The following RABGAP1L variants were observed in gnomAD, a reference collection of about 807,000 sequenced individuals.
The protein encoded by RABGAP1L is RAB GTPase activating protein 1 like.
In RABGAP1L, 63 loss-of-function variants were observed where a neutral mutation model predicts 137.7. The observed-to-expected ratio is 0.46, with a 90% confidence interval of 0.37 to 0.56. The LOEUF is 0.56. Ranked by LOEUF, RABGAP1L falls within the 20% of genes least tolerant of loss-of-function variation. The pLI is 0.00. For synonymous variants in RABGAP1L, 431 were observed against 433.7 expected (o/e 0.99, Z 0.08); for missense variants, 1,095 against 1,244.0 (o/e 0.88, Z 1.80).
chr1:174,803,038 T>G (rs992355778), intron 18 of RABGAP1L, among the ~76,000 whole-genome samples: 6 of 152,236 alleles, frequency 3.9e-5, no homozygotes, highest in African/African-American at 1.4e-4. Flanking sequence ...GTACTTTATT[T>G]TACTTTTAAG....
At chr1:174,951,107 C>T (rs1450613471) in intron 19 of RABGAP1L, among the ~76,000 whole-genome samples, 4 of 152,226 alleles carry the variant, frequency 2.6e-5, no homozygotes, top group Non-Finnish European at 5.9e-5. Flanking sequence ...GCTTCTCCCT[C>T]TCCAACCCTC....
Position 174,190,227 on chromosome 1 carries a change from C to T in RABGAP1L, c.-33-28898C>T, listed in dbSNP as rs527822202. Among the ~76,000 whole-genome samples, 35 of 146,296 alleles carry T rather than the reference C, an allele frequency of 2.4e-4. No individual in the cohort carries two copies. The South Asian group carries it at 6.4e-3, about 27-fold the overall frequency. Reference sequence around the variant, plus strand: ...CTGAGCCAGGAGAATCACTTGAACGCGGGAGGCAGAGGTTGCGGTGAGCCA... The same window carrying T: ...CTGAGCCAGGAGAATCACTTGAACGTGGGAGGCAGAGGTTGCGGTGAGCCA... On this transcript the variant is annotated intron_variant, in intron 1 of 25. Coordinates refer to ENST00000681986, the MANE Select transcript of RABGAP1L (RefSeq NM_001366446.1).
chr1:174,807,921 A>AC (rs1689467740), intron 18 of RABGAP1L, among the ~76,000 whole-genome samples: 1 of 149,166 alleles, frequency 6.7e-6, no homozygotes, highest in Non-Finnish European at 1.5e-5. Flanking sequence ...ACGTAGCGAG[A>AC]CCCCCATCTC....
intron 13 of RABGAP1L, among the ~76,000 whole-genome samples, chr1:174,511,351 T>C (rs1323391695): frequency 6.6e-6 from 1 of 152,202 alleles, no homozygotes; most frequent in Non-Finnish European, 1.5e-5. Flanking sequence ...TTTCTTTGGT[T>C]ATAAAAGATT....
intron 18 of RABGAP1L, among the ~76,000 whole-genome samples, chr1:174,810,758 T>G (rs1256824731): frequency 6.6e-6 from 1 of 152,126 alleles, no homozygotes; most frequent in East Asian, 1.9e-4. Context: ...TTTATTGTCT[T>G]TCTTATTATA....
intron 19 of RABGAP1L, chr1:174,896,991 C>G (rs1657312539): frequency 6.6e-6 from 1 of 152,128 alleles, no homozygotes; most frequent in Non-Finnish European, 1.5e-5. Context: ...TCATTGGTAG[C>G]TTGATGGGGA....
chr1:174,904,150 C>T (rs185204305), intron 19 of RABGAP1L, among the ~76,000 whole-genome samples: 1 of 152,042 alleles, frequency 6.6e-6, no homozygotes, highest in Non-Finnish European at 1.5e-5. Context: ...CTCTCTCCCC[C>T]ATTCTGCCTG....
At chr1:174,748,344 A>G (rs1684050472) in intron 17 of RABGAP1L, among the ~76,000 whole-genome samples, 5 of 152,376 alleles carry the variant, frequency 3.3e-5, no homozygotes, top group Admixed American at 2.6e-4. Context: ...TATGCACATT[A>G]TACCAGCACT....
At chr1:174,737,581 A>G (rs140769617) in intron 17 of RABGAP1L, among the ~76,000 whole-genome samples, 153 of 152,148 alleles carry the variant, frequency 1.0e-3, no homozygotes, top group African/African-American at 3.5e-3. Flanking sequence ...CTGTTACCCA[A>G]TTCCAAAGCT....
intron 17 of RABGAP1L, among the ~76,000 whole-genome samples, chr1:174,751,025 G>A (rs1684298566): frequency 6.6e-6 from 1 of 152,030 alleles, no homozygotes; most frequent in Non-Finnish European, 1.5e-5. Flanking sequence ...GTAAATTGTG[G>A]TCAAAACCAG....
At position 174,230,389 on chromosome 1, in the gene RABGAP1L, A is replaced by C. The variant is rs372267342; in HGVS notation, c.332-756A>C. On this transcript the variant is annotated intron_variant, in intron 3 of 25. Transcript: ENST00000681986. ...TTGTGCACTTGTACCCTAAAACTTA[A>C]AGTATAGTAAAAAAAAGAATAAAAA... Among the ~76,000 whole-genome samples, 7 of 152,240 alleles carry C rather than the reference A, an allele frequency of 4.6e-5. No individual in the cohort carries two copies. In the East Asian group the frequency reaches 9.6e-4, roughly 21 times the overall value.
chr1:174,458,571 C>G (rs968014269), intron 13 of RABGAP1L, among the ~76,000 whole-genome samples: 1 of 151,984 alleles, frequency 6.6e-6, no homozygotes, highest in African/African-American at 2.4e-5. Flanking sequence ...AGCTATATAC[C>G]TGTCTGTAAA....
intron 11 of RABGAP1L, among the ~76,000 whole-genome samples, chr1:174,355,281 C>A (rs1683530187): frequency 6.6e-6 from 1 of 151,798 alleles, no homozygotes; most frequent in African/African-American, 2.4e-5. Context: ...TACTATGCAG[C>A]CATAAAAAAT....
chr1:174,273,272 T>A (rs937225580), intron 8 of RABGAP1L, among the ~76,000 whole-genome samples: 1 of 152,074 alleles, frequency 6.6e-6, no homozygotes, highest in Non-Finnish European at 1.5e-5. Flanking sequence ...ATATCAATAC[T>A]GATTTTATAG....
rs1173137609 is a variant in RABGAP1L at position 174,448,997 on chromosome 1, C to T, written c.1710+54852C>T. ...AGAAAGCTCCCGGGTCTTGGACAAT[C>T]CAACTCTGTCCTTCTTAACAACCTG... On this transcript the variant is annotated intron_variant, in intron 13 of 25. Transcript: ENST00000681986. The surrounding 1 kb of genome is among the most constrained non-coding windows in gnomAD (Gnocchi z 4.2). The T allele has an allele frequency of 2.1e-5, 34 of 1,613,004 alleles. No homozygotes were observed. Among genetic ancestry groups the T allele is most frequent in the Non-Finnish European group, 2.9e-5 (34 of 1,179,120 alleles).
intron 19 of RABGAP1L, among the ~76,000 whole-genome samples, chr1:174,948,344 G>A (rs1240098882): frequency 3.3e-5 from 5 of 151,590 alleles, no homozygotes; most frequent in African/African-American, 1.2e-4. Flanking sequence ...AACATAGCGA[G>A]ACCCTGTCTT....
intron 13 of RABGAP1L, among the ~76,000 whole-genome samples, chr1:174,533,536 T>C (rs1664620755): frequency 6.6e-6 from 1 of 152,236 alleles, no homozygotes; most frequent in Non-Finnish European, 1.5e-5. Context: ...ACTTTCATGA[T>C]GATCCACTTC....
At chr1:174,387,349 T>C (rs74128377) in intron 12 of RABGAP1L, among the ~76,000 whole-genome samples, 1,869 of 152,330 alleles carry the variant, frequency 0.012, 47 homozygotes, top group African/African-American at 0.043. Flanking sequence ...TACCATGTTA[T>C]AGAGGCATGC....
In RABGAP1L at chr1:174,305,036, G is replaced by A. The variant is rs1020838015; in HGVS notation, c.1374G>A (p.Val458=). 5 of 1,564,586 alleles carry A rather than the reference G, an allele frequency of 3.2e-6. No homozygotes were observed. The highest frequency in any genetic ancestry group is 4.3e-6 in the Non-Finnish European group (5 of 1,159,796). The change falls in exon 11 of 26, where the codon GTG becomes GTA. Residue 458 remains valine, a synonymous_variant. Transcript: ENST00000681986. ...CTGGAGATGCAATATATGAGGTGGT[G>A]AGTCTACAGCGAGAGTCTGACAAGG... The part of the protein sequence containing the change: ...TNAGDAIYEV[V]SLQRESDKEE...
Sources: gnomAD v4.1 joint callset for allele counts (sites outside exome capture counted in the v4.1 genomes callset) on GRCh38, gnomAD v4.1.1 for gene constraint, Gnocchi (gnomAD v3.1) non-coding constraint, MANE v1.5 for transcripts, NCBI Gene and HGNC (gene_info 2026-07-23, HGNC 2026-07-21) for gene names.